The following DNTT variants were observed in gnomAD, a reference collection of about 807,000 sequenced individuals.
The protein encoded by DNTT is DNA nucleotidylexotransferase, also known as nucleosidetriphosphate:DNA deoxynucleotidylexotransferase.
Under a neutral mutation model 60.9 loss-of-function variants are expected in DNTT, and 47 were observed. The observed-to-expected ratio is 0.77, with a 90% CI of 0.61 to 0.98. The LOEUF is 0.98. DNTT is among the 50% of genes least tolerant of loss of function. The pLI, the probability that DNTT is intolerant of heterozygous loss-of-function variation, is 0.00. For synonymous variants in DNTT, 224 were observed against 221.2 expected, an observed-to-expected ratio of 1.01 and a Z score of -0.11; for missense variants, 665 against 627.5, an observed-to-expected ratio of 1.06 and a Z score of -0.64.
chr10:96,314,402 C>CTTTTTTTTTT (rs869059822), intron 1 of DNTT, among the ~76,000 whole-genome samples: 5,413 of 52,898 alleles, frequency 0.1, 1,413 homozygotes, highest in Non-Finnish European at 0.12. Context: ...TATCTCTTCC[C>CTTTTTTTTTT]TTTTTTTTTT....
At chr10:96,315,640 G>A (rs1303541763) in intron 1 of DNTT, among the ~76,000 whole-genome samples, 6 of 152,008 alleles carry the variant, frequency 3.9e-5, no homozygotes, top group Non-Finnish European at 8.8e-5. Context: ...GGAGTGGTAA[G>A]AGTGTAGGTG....
intron 1 of DNTT, among the ~76,000 whole-genome samples, chr10:96,314,634 G>C (rs186919673): frequency 6.6e-6 from 1 of 150,480 alleles, no homozygotes; most frequent in Non-Finnish European, 1.5e-5. Flanking sequence ...GGATGGTCTT[G>C]ATCTCCTGAC....
At chr10:96,320,508 A>G in intron 3 of DNTT, 110 bp from the exon 4 acceptor site, 2 of 1,279,708 alleles carry the variant, frequency 1.6e-6, no homozygotes, top group Non-Finnish European at 2.2e-6. Flanking sequence ...CTAGAAGGAA[A>G]CACGCAAGTG....
intron 1 of DNTT, 131 bp from the exon 2 acceptor site, chr10:96,318,221 C>G: frequency 9.4e-7 from 1 of 1,061,702 alleles, no homozygotes; most frequent in Non-Finnish European, 1.3e-6. Context: ...GGCCTAAATT[C>G]TCCACACCTA....
rs1589368742 is a variant in DNTT at position 96,309,702 on chromosome 10, T to TG, written c.203+5002_203+5003insG. On this transcript the variant is annotated intron_variant, in intron 1 of 10. Transcript: ENST00000371174. Reference sequence around the variant, plus strand: ...TTTCCACCTGAATGTTGGTAAAGACTCTCTCCTTGACTAAACTGTAGCATG... The same window carrying TG: ...TTTCCACCTGAATGTTGGTAAAGACTGCTCTCCTTGACTAAACTGTAGCATG... Among the ~76,000 whole-genome samples the TG allele has an allele frequency of 2.6e-5, 4 of 152,250 alleles. No homozygotes were observed. The East Asian group carries it at 5.8e-4, about 22-fold the overall frequency.
intron 6 of DNTT, 107 bp from the exon 7 acceptor site, chr10:96,327,361 C>T (rs1392499543): frequency 2.0e-6 from 3 of 1,521,038 alleles, no homozygotes; most frequent in Non-Finnish European, 2.7e-6. Context: ...GTGTTGATGC[C>T]TGTAGTCATG....
chr10:96,333,670 T>C (rs1845033202), intron 9 of DNTT, among the ~76,000 whole-genome samples: 1 of 152,234 alleles, frequency 6.6e-6, no homozygotes, highest in African/African-American at 2.4e-5. Context: ...TGAGACAACA[T>C]GGTTGAACCT....
intron 5 of DNTT, among the ~76,000 whole-genome samples, chr10:96,323,681 C>T (rs999659348): frequency 1.3e-5 from 2 of 152,042 alleles, no homozygotes; most frequent in Admixed American, 1.3e-4. Context: ...TTATTACCTC[C>T]CAATTTTCCC....
At chr10:96,317,234 C>T (rs183243266) in intron 1 of DNTT, among the ~76,000 whole-genome samples, 137 of 152,216 alleles carry the variant, frequency 9.0e-4, no homozygotes, top group Non-Finnish European at 1.4e-3. Context: ...TATCATTTAC[C>T]AGCTGTGTGA....
Position 96,307,023 on chromosome 10 carries a change from C to T in DNTT, c.203+2323C>T, listed in dbSNP as rs144828796. Among the ~76,000 whole-genome samples the T allele has an allele frequency of 7.4e-3, 1,122 of 152,298 alleles. 11 individuals carry two copies. The highest frequency in any genetic ancestry group is 0.026 in the African/African-American group (1,082 of 41,556). On this transcript the variant is annotated intron_variant, in intron 1 of 10. Transcript: ENST00000371174. ...GTATGGGACAAGGTCCCCTCTCTCC[C>T]GACTGATTTTAATATCCTGATAAAT...
Position 96,304,445 on chromosome 10 carries a change from C to T in DNTT, c.-53C>T, listed in dbSNP as rs572802954. The stretch of plus-strand genomic sequence containing the variant: ...TGTAGGAGGGTGGCAGTCTCCCTCC[C>T]TTCTGGAGACACCACCAGATGGGCC... On this transcript the variant is annotated 5_prime_UTR_variant, in exon 1 of 11. Coordinates refer to ENST00000371174, the MANE Select transcript of DNTT (RefSeq NM_004088.4). 1.9e-6 allele frequency: 3 copies of T among 1,606,094 alleles called. No homozygotes were observed. In the Admixed American group the frequency reaches 5.0e-5, roughly 27 times the overall value.
At chr10:96,322,592 T>G (rs1242031653) in intron 4 of DNTT, 65 bp from the exon 5 acceptor site, 4 of 1,347,766 alleles carry the variant, frequency 3.0e-6, no homozygotes, top group Admixed American at 2.0e-5. Flanking sequence ...GTCCATGAAT[T>G]TGAGAGTCTT....
At chr10:96,335,834 T>C (rs376862949) in intron 9 of DNTT, 57 bp from the exon 10 acceptor site, 14 of 1,576,556 alleles carry the variant, frequency 8.9e-6, no homozygotes, top group Admixed American at 6.7e-5. Context: ...TGTAGCCACC[T>C]AATACTGAAG....
chr10:96,331,833 A>G (rs2133994867), intron 8 of DNTT, among the ~76,000 whole-genome samples: 1 of 152,266 alleles, frequency 6.6e-6, no homozygotes, highest in Admixed American at 6.5e-5. Flanking sequence ...GCTAGTGTGC[A>G]CTGGTGTGAT....
chr10:96,318,742 C>T (rs1844823349), intron 2 of DNTT, among the ~76,000 whole-genome samples: 1 of 152,192 alleles, frequency 6.6e-6, no homozygotes, highest in African/African-American at 2.4e-5. Flanking sequence ...ATTAGAACAA[C>T]ACACATGTAA....
intron 8 of DNTT, among the ~76,000 whole-genome samples, chr10:96,330,294 GT>G (rs1320152061): frequency 1.1e-4 from 16 of 147,032 alleles, no homozygotes; most frequent in African/African-American, 4.0e-4. Flanking sequence ...ACAGTTTACT[GT>G]TAGGAATCCA....
rs34111381 is a variant in DNTT, at chr10:96,319,378, C to T, written c.495C>T (p.Asn165=). ...GAAGAACCACTTTAAACAACTGTAACCAGATATTCACGGTAACGGGACTTT... is the reference window on the plus strand; with the variant it reads ...GAAGAACCACTTTAAACAACTGTAATCAGATATTCACGGTAACGGGACTTT... ...CQRRTTLNNC[N]QIFTDAFDIL... Residue 165 remains asparagine (N), a synonymous_variant, in exon 3 of 11, where the codon AAC becomes AAT. Coordinates refer to ENST00000371174, the MANE Select transcript of DNTT (RefSeq NM_004088.4). 590 of 1,613,680 alleles carry T rather than the reference C, an allele frequency of 3.7e-4. 3 individuals carry two copies. The African/African-American group carries it at 7.2e-3, about 20-fold the overall frequency.
rs758136536 is a variant in DNTT, at chr10:96,319,342, T to C, written c.459T>C (p.Tyr153=). ...PPIAVQKISQ[Y]ACQRRTTLNN... ...TTGCTGTACAAAAGATCTCCCAGTATGCGTGTCAGAGAAGAACCACTTTAA... is the reference window on the plus strand; with the variant it reads ...TTGCTGTACAAAAGATCTCCCAGTACGCGTGTCAGAGAAGAACCACTTTAA... Residue 153 remains tyrosine (Y), a synonymous_variant, in exon 3 of 11, where the codon TAT becomes TAC. Transcript: ENST00000371174. 1.2e-6 allele frequency: 2 copies of C among 1,613,860 alleles called. No homozygotes were observed. Among genetic ancestry groups the C allele is most frequent in the East Asian group, 2.2e-5 (1 of 44,886 alleles).
intron 1 of DNTT, 150 bp from the exon 2 acceptor site, chr10:96,318,202 T>A (rs1844812187): frequency 1.2e-6 from 1 of 814,130 alleles, no homozygotes; most frequent in Non-Finnish European, 1.9e-6. Flanking sequence ...GAGAATTCCC[T>A]TGCATGGAGG....
Sources: gnomAD v4.1 joint callset for allele counts (sites outside exome capture counted in the v4.1 genomes callset) on GRCh38, gnomAD v4.1.1 for gene constraint, MANE v1.5 for transcripts, NCBI Gene and HGNC (gene_info 2026-07-23, HGNC 2026-07-21) for gene names.